MIGA1: variants seen among roughly 807,000 people sequenced by gnomAD.
MIGA1 encodes the protein family with sequence similarity 73, member A.
In MIGA1, 58 loss-of-function variants were observed where a neutral mutation model predicts 82.0. The ratio of observed to expected loss-of-function variants is 0.71; its 90% CI spans 0.57 to 0.88. MIGA1 has a LOEUF of 0.88. Among genes scored for constraint, MIGA1 ranks in the 40% least tolerant of loss-of-function variants. The pLI is 0.00. For missense variants in MIGA1, 751 were observed against 749.1 expected (o/e 1.00, Z -0.03); for synonymous variants, 249 against 253.6 (o/e 0.98, Z 0.17).
intron 2 of MIGA1, among the ~76,000 whole-genome samples, chr1:77,784,889 G>A (rs1264592622): frequency 6.6e-6 from 1 of 152,142 alleles, no homozygotes; most frequent in African/African-American, 2.4e-5. Flanking sequence ...TTTTGAAACT[G>A]TCAGATATTG....
At position 77,872,996 on chromosome 1, in the gene MIGA1, C is replaced by T. The variant is rs1284907586; in HGVS notation, c.1564-8C>T. ...GAAGTAACTTGATTCTCCTTTACTT[C>T]CCAGCAGATCCCAGATGGATTTTTT... On this transcript the variant is annotated splice_polypyrimidine_tract_variant and splice_region_variant and intron_variant, in intron 14 of 15. Coordinates refer to ENST00000370791, the MANE Select transcript of MIGA1 (RefSeq NM_198549.4). 6.2e-7 allele frequency: 1 copy of T among 1,613,802 alleles called. No homozygotes were observed. Among genetic ancestry groups the T allele is most frequent in the South Asian group, 1.1e-5 (1 of 91,062 alleles).
At chr1:77,799,755 G>A (rs1682797843) in intron 2 of MIGA1, among the ~76,000 whole-genome samples, 1 of 150,178 alleles carries the variant, frequency 6.7e-6, no homozygotes, top group Admixed American at 6.6e-5. Context: ...GAGGTCTGCA[G>A]TAATGACTCC....
intron 2 of MIGA1, among the ~76,000 whole-genome samples, chr1:77,792,238 G>C (rs1325293356): frequency 1.3e-5 from 2 of 152,214 alleles, no homozygotes; most frequent in Non-Finnish European, 2.9e-5. Flanking sequence ...CCTATGTGTT[G>C]TTCCAAGGAC....
intron 7 of MIGA1, among the ~76,000 whole-genome samples, chr1:77,835,420 A>G (rs1479033569): frequency 6.6e-6 from 1 of 152,180 alleles, no homozygotes; most frequent in Non-Finnish European, 1.5e-5. Context: ...TTTTTTAATT[A>G]TAGATTTACT....
intron 8 of MIGA1, among the ~76,000 whole-genome samples, chr1:77,844,108 A>AT (rs1312452718): frequency 4.3e-4 from 23 of 53,906 alleles, no homozygotes; most frequent in African/African-American, 1.5e-3. Context: ...CTTAAAAAAA[A>AT]AAAAAATATA....
intron 15 of MIGA1, 71 bp downstream of exon 15, chr1:77,873,191 T>C: frequency 6.8e-7 from 1 of 1,459,942 alleles, no homozygotes; most frequent in East Asian, 2.3e-5. Context: ...TATTCTGTTT[T>C]GTTTTGCTTT....
intron 12 of MIGA1, among the ~76,000 whole-genome samples, chr1:77,863,033 T>A (rs1685528674): frequency 6.6e-6 from 1 of 152,086 alleles, no homozygotes. Context: ...ACATGAAGAC[T>A]TAATTTTTCC....
intron 8 of MIGA1, among the ~76,000 whole-genome samples, chr1:77,845,535 G>A (rs2101896677): frequency 6.6e-6 from 1 of 152,214 alleles, no homozygotes; most frequent in South Asian, 2.1e-4. Context: ...AAAACAAAAT[G>A]CATGAATATA....
At chr1:77,849,974 G>C (rs1684983424) in intron 8 of MIGA1, among the ~76,000 whole-genome samples, 1 of 151,252 alleles carries the variant, frequency 6.6e-6, no homozygotes, top group Non-Finnish European at 1.5e-5. Flanking sequence ...AGCAGAGGTT[G>C]TAGTGAGCCA....
intron 8 of MIGA1, among the ~76,000 whole-genome samples, chr1:77,849,251 G>T (rs1684957528): frequency 6.6e-6 from 1 of 152,198 alleles, no homozygotes; most frequent in Middle Eastern, 3.4e-3. Flanking sequence ...AAAACAAAAA[G>T]CCTGGTGTGG....
intron 7 of MIGA1, 52 bp from the exon 8 acceptor site, chr1:77,843,255 C>T: frequency 1.5e-6 from 2 of 1,298,170 alleles, no homozygotes; most frequent in Non-Finnish European, 2.2e-6. Flanking sequence ...ATGTGAAATA[C>T]CACAATGATG....
At chr1:77,817,168 G>A (rs1683602532) in intron 7 of MIGA1, among the ~76,000 whole-genome samples, 1 of 152,032 alleles carries the variant, frequency 6.6e-6, no homozygotes, top group Admixed American at 6.6e-5. Context: ...AGGTTGACTG[G>A]GTCCGTCTCT....
chr1:77,864,875 G>GT (rs1011013251), intron 13 of MIGA1, among the ~76,000 whole-genome samples: 26 of 152,220 alleles, frequency 1.7e-4, no homozygotes, highest in African/African-American at 6.3e-4. Flanking sequence ...TGGGCTTTAA[G>GT]TGTGCACCTG....
At chr1:77,824,030 G>A (rs1381155500) in intron 7 of MIGA1, among the ~76,000 whole-genome samples, 3 of 151,994 alleles carry the variant, frequency 2.0e-5, no homozygotes, top group Admixed American at 1.3e-4. Flanking sequence ...TTTCTATTCC[G>A]TAACATTGCC....
At chr1:77,836,982 G>A (rs564472715) in intron 7 of MIGA1, among the ~76,000 whole-genome samples, 190 of 152,194 alleles carry the variant, frequency 1.2e-3, no homozygotes, top group Middle Eastern at 3.4e-3. Flanking sequence ...CATATGTCAA[G>A]TAAAATAGTC....
chr1:77,869,623 C>T (rs1382984410), intron 14 of MIGA1, among the ~76,000 whole-genome samples: 6 of 132,714 alleles, frequency 4.5e-5, no homozygotes, highest in South Asian at 2.5e-4. Context: ...GCAGAGGGGT[C>T]CTCACTTCCC....
intron 7 of MIGA1, among the ~76,000 whole-genome samples, chr1:77,818,454 C>T (rs1372193372): frequency 6.6e-6 from 1 of 152,056 alleles, no homozygotes; most frequent in Non-Finnish European, 1.5e-5. Flanking sequence ...ATAACAGTAC[C>T]TGACCCAGAG....
intron 7 of MIGA1, among the ~76,000 whole-genome samples, chr1:77,821,499 G>A (rs866727640): frequency 6.6e-6 from 1 of 151,380 alleles, no homozygotes; most frequent in Non-Finnish European, 1.5e-5. Context: ...GGGTTCAAGC[G>A]ATTCTCTTGC....
At chr1:77,802,521 TC>T (rs1275591029) in intron 3 of MIGA1, among the ~76,000 whole-genome samples, 1 of 152,130 alleles carries the variant, frequency 6.6e-6, no homozygotes, top group Admixed American at 6.5e-5. Context: ...TTACTATAAT[TC>T]CAGCACTTTG....
Sources: allele counts gnomAD v4.1 joint callset (sites outside exome capture counted in the v4.1 genomes callset), GRCh38; gene constraint gnomAD v4.1.1; transcripts MANE v1.5; gene names NCBI Gene and HGNC (gene_info 2026-07-23, HGNC 2026-07-21).